ELAPOR2: variants seen among roughly 807,000 people sequenced by gnomAD.
The protein encoded by ELAPOR2 is endosome/lysosome-associated apoptosis and autophagy regulator family member 2.
In ELAPOR2, 89 loss-of-function variants were observed where a neutral mutation model predicts 120.7. The ratio of observed to expected loss-of-function variants is 0.74; its 90% CI spans 0.62 to 0.88. ELAPOR2 has a LOEUF of 0.88. ELAPOR2 is among the 40% of genes least tolerant of loss of function. The pLI is 0.00. For synonymous variants in ELAPOR2, 444 were observed against 444.9 expected, an observed-to-expected ratio of 1.00 and a Z score of 0.03; for missense variants, 1,134 against 1,251.6, an observed-to-expected ratio of 0.91 and a Z score of 1.42.
chr7:86,966,515 G>C (rs1791911399), intron 1 of ELAPOR2, among the ~76,000 whole-genome samples: 1 of 152,080 alleles, frequency 6.6e-6, no homozygotes, highest in Non-Finnish European at 1.5e-5. Context: ...AGGCCATCTA[G>C]ACTTTACTAG....
chr7:86,931,672 AT>A (rs920265372), intron 8 of ELAPOR2, among the ~76,000 whole-genome samples: 6 of 148,802 alleles, frequency 4.0e-5, no homozygotes, highest in East Asian at 2.0e-4. Flanking sequence ...AGGCTTAGAG[AT>A]TTTTTTTTTA....
intron 1 of ELAPOR2, among the ~76,000 whole-genome samples, chr7:86,998,345 T>C (rs775507767): frequency 6.6e-6 from 1 of 152,188 alleles, no homozygotes; most frequent in Non-Finnish European, 1.5e-5. Context: ...CTGCAAGTCT[T>C]AAAAAATGGT....
At chr7:87,049,203 T>C (rs989130322) in intron 1 of ELAPOR2, among the ~76,000 whole-genome samples, 2 of 152,198 alleles carry the variant, frequency 1.3e-5, no homozygotes, top group South Asian at 4.1e-4. Context: ...ATATACATTA[T>C]TATGGATGCT....
At chr7:87,037,776 T>C (rs1794635748) in intron 1 of ELAPOR2, among the ~76,000 whole-genome samples, 1 of 152,244 alleles carries the variant, frequency 6.6e-6, no homozygotes, top group South Asian at 2.1e-4. Flanking sequence ...ATTATAATAT[T>C]ATTTAATTCC....
chr7:86,958,710 T>A (rs561814846), intron 2 of ELAPOR2, among the ~76,000 whole-genome samples: 6 of 152,320 alleles, frequency 3.9e-5, no homozygotes, highest in African/African-American at 1.4e-4. Flanking sequence ...AAAGAACTTC[T>A]TCCTTCAGAA....
intron 13 of ELAPOR2, among the ~76,000 whole-genome samples, chr7:86,914,169 C>T (rs1789453045): frequency 6.6e-6 from 1 of 152,102 alleles, no homozygotes. Context: ...AGTCCTGCTA[C>T]TATTGAAACA....
chr7:86,922,204 C>G lies in ELAPOR2; in HGVS notation c.1400-2894G>C, dbSNP rs572367836. ...ATGTTGATTTCAAAAACATTTACTT[C>G]TAACCTAACACCTAACAGCTATTAT... On this transcript the variant is annotated intron_variant, in intron 10 of 21. Transcript: ENST00000450689. Among the ~76,000 whole-genome samples, 6 of 152,058 alleles carry G rather than the reference C, an allele frequency of 3.9e-5. No individual in the cohort carries two copies. In the South Asian group the frequency reaches 1.2e-3, roughly 32 times the overall value.
chr7:86,998,557 G>A (rs1200836812), intron 1 of ELAPOR2, among the ~76,000 whole-genome samples: 3 of 152,130 alleles, frequency 2.0e-5, no homozygotes, highest in Non-Finnish European at 2.9e-5. Context: ...TAGGAGGGTT[G>A]CTCCATACAT....
Position 86,938,176 on chromosome 7 carries a change from T to G in ELAPOR2, c.1039A>C (p.Thr347Pro), listed in dbSNP as rs1391817447. ...TGGATCTGGAAATAGTCTTTTGTGG[T>G]ACAGGGAGGGCGCTCTGTACACTCA... ...SSECTERPPC[T>P]TKDYFQIHTP... Residue 347 changes from threonine (T) to proline (P), a missense_variant, in exon 8 of 22, where the codon ACC becomes CCC. Transcript: ENST00000450689. 6.4e-7 allele frequency: 1 copy of G among 1,552,124 alleles called. No homozygotes were observed. Among genetic ancestry groups the G allele is most frequent in the Non-Finnish European group, 8.7e-7 (1 of 1,146,580 alleles).
chr7:86,944,772 G>T (rs1790933667), intron 4 of ELAPOR2, 127 bp downstream of exon 4: 2 of 634,152 alleles, frequency 3.2e-6, no homozygotes, highest in African/African-American at 1.9e-5. Context: ...AACATCAAAA[G>T]GTTCAGTTAA....
At chr7:86,924,115 T>G (rs1363223125) in intron 10 of ELAPOR2, among the ~76,000 whole-genome samples, 2 of 152,132 alleles carry the variant, frequency 1.3e-5, no homozygotes, top group East Asian at 3.9e-4. Flanking sequence ...GACCAGCCAG[T>G]CACAAAATAT....
At chr7:87,039,385 A>G (rs1794688436) in intron 1 of ELAPOR2, among the ~76,000 whole-genome samples, 1 of 152,214 alleles carries the variant, frequency 6.6e-6, no homozygotes, top group Non-Finnish European at 1.5e-5. Context: ...CCAAGAGGAG[A>G]GAATACTTCC....
Position 86,919,072 on chromosome 7 carries a change from A to C in ELAPOR2, c.1490+148T>G, listed in dbSNP as rs185154786. ...TCACTACTTCTACAGATATTCTTCA[A>C]TATAATACATTACCCTGTGACAGCT... On this transcript the variant is annotated intron_variant, in intron 11 of 21. Coordinates refer to ENST00000450689, the MANE Select transcript of ELAPOR2 (RefSeq NM_001142749.3). The C allele has an allele frequency of 1.4e-5, 8 of 554,182 alleles. No homozygotes were observed. In the African/African-American group the frequency reaches 1.5e-4, roughly 11 times the overall value. The allele number at this position is 554,182 out of a possible 1,614,324, so 34.3% of individuals were successfully genotyped here. A position where few individuals can be genotyped will look rare whatever the true frequency, so the allele number is the denominator to read the frequency against.
At chr7:87,015,333 G>A (rs1474356817) in intron 1 of ELAPOR2, among the ~76,000 whole-genome samples, 1 of 152,194 alleles carries the variant, frequency 6.6e-6, no homozygotes, top group Non-Finnish European at 1.5e-5. Context: ...ACAAAAATAA[G>A]TTATTGGCTT....
At position 86,993,167 on chromosome 7, in the gene ELAPOR2, C is replaced by T. The variant is rs1403949676; in HGVS notation, c.190-28143G>A. Among the ~76,000 whole-genome samples the T allele has an allele frequency of 2.8e-4, 39 of 140,022 alleles. 1 individual carries two copies. The Admixed American group carries it at 2.9e-3, about 10-fold the overall frequency. The allele number at this position is 140,022 out of a possible 152,430, so 91.9% of individuals were successfully genotyped here. On this transcript the variant is annotated intron_variant, in intron 1 of 21. Coordinates refer to ENST00000450689, the MANE Select transcript of ELAPOR2 (RefSeq NM_001142749.3). ...GGGAGAGTTGCTTGAACCCGGGAGG[C>T]GAAGGTTGCAGTGAGCCAAGATCGC...
At chr7:86,885,292 C>T (rs79225790) in intron 21 of ELAPOR2, among the ~76,000 whole-genome samples, 7,731 of 152,134 alleles carry the variant, frequency 0.051, 253 homozygotes, top group Non-Finnish European at 0.071. Context: ...ATGAAAGTGG[C>T]CTCTAAGTTA....
intron 14 of ELAPOR2, 124 bp from the exon 15 acceptor site, chr7:86,912,369 T>A: frequency 2.0e-6 from 1 of 510,462 alleles, no homozygotes; most frequent in East Asian, 2.8e-5. Context: ...TATAATATAC[T>A]TTACCATACT....
At chr7:86,903,679 A>T (rs1788826314) in intron 18 of ELAPOR2, among the ~76,000 whole-genome samples, 1 of 152,196 alleles carries the variant, frequency 6.6e-6, no homozygotes, top group Non-Finnish European at 1.5e-5. Context: ...AGAACTGTGA[A>T]GCGTTCCTTT....
intron 3 of ELAPOR2, among the ~76,000 whole-genome samples, chr7:86,945,384 A>G (rs1790958613): frequency 6.6e-6 from 1 of 152,188 alleles, no homozygotes. Context: ...GTAAACCCAT[A>G]CACATGGCAA....
Sources: gnomAD v4.1 joint callset for allele counts (sites outside exome capture counted in the v4.1 genomes callset) on GRCh38, gnomAD v4.1.1 for gene constraint, MANE v1.5 for transcripts, NCBI Gene and HGNC (gene_info 2026-07-23, HGNC 2026-07-21) for gene names.